TOR2A: variants seen among roughly 807,000 people sequenced by gnomAD.
TOR2A encodes the protein prosalusin.
Under a neutral mutation model 28.6 loss-of-function variants are expected in TOR2A, and 24 were observed. That is an observed-to-expected ratio of 0.84 (90% confidence interval 0.61 to 1.18). The LOEUF (loss-of-function observed/expected upper bound fraction) is 1.18, where lower values mean the gene tolerates loss of function less well. TOR2A is among the 50% of genes most tolerant of loss of function. The pLI is 0.00. For synonymous variants in TOR2A, 203 were observed against 203.1 expected (o/e 1.00, Z 0.00); for missense variants, 426 against 448.1 (o/e 0.95, Z 0.45).
Position 127,733,421 on chromosome 9 carries a change from C to G in TOR2A, c.557G>C (p.Gly186Ala). Residue 186 changes from glycine to alanine, a missense_variant, in exon 3 of 5, where the codon GGG becomes GCG. By Grantham distance (60) the Gly-to-Ala change is moderately conservative (BLOSUM62 0). Transcript: ENST00000373284. ...GAAGATGGCTTTGCGGTAATTGGTC[C>G]CGTATACCACCCAGGAGGAGCCCAG... ...PFLGSSWVVY[G>A]TNYRKAIFIF... is the part of the protein sequence containing the mutation. 8 of 1,613,792 alleles carry G rather than the reference C, an allele frequency of 5.0e-6. No homozygotes were observed. The highest frequency in any genetic ancestry group is 6.8e-6 in the Non-Finnish European group (8 of 1,179,974).
In TOR2A at chr9:127,734,498, G is replaced by T; in HGVS notation, c.218C>A (p.Ala73Glu). 3 of 1,575,174 alleles carry T rather than the reference G, an allele frequency of 1.9e-6. No homozygotes were observed. Among genetic ancestry groups the T allele is most frequent in the Non-Finnish European group, 2.6e-6 (3 of 1,159,862 alleles). The part of the protein sequence containing the change: ...QHLAKALVVK[A>E]LKAFVRDPAP... ...TGGGTCCCGCACAAAGGCCTTCAGC[G>T]CCTTCACCACCAGCGCCTTGGCCAG... is the stretch of plus-strand genomic sequence containing the variant. Residue 73 changes from alanine (A) to glutamate (E), a missense_variant, in exon 2 of 5, where the codon GCG becomes GAG. Physicochemically the swap from Ala to Glu is moderately radical, Grantham distance 107. Coordinates refer to ENST00000373284, the MANE Select transcript of TOR2A (RefSeq NM_001085347.3).
intron 4 of TOR2A, 96 bp downstream of exon 4, chr9:127,732,468 T>C (rs912863461): frequency 7.5e-6 from 11 of 1,460,716 alleles, no homozygotes; most frequent in Non-Finnish European, 8.1e-6. Context: ...GGCTCAGAAC[T>C]GCCGGGTCAG....
rs1159113829 is a variant in TOR2A, at chr9:127,731,986, T to G, written c.*48A>C. 5 of 1,579,664 alleles carry G rather than the reference T, an allele frequency of 3.2e-6. No individual in the cohort carries two copies. Among genetic ancestry groups the G allele is most frequent in the Non-Finnish European group, 4.3e-6 (5 of 1,162,224 alleles). ...TCCTGTGACAGAGGCCCCTGGCCTT[T>G]CCTGCATGGCCTGGCCATCAGGGGG... On this transcript the variant is annotated 3_prime_UTR_variant, in exon 5 of 5. Coordinates refer to ENST00000373284, the MANE Select transcript of TOR2A (RefSeq NM_001085347.3).
intron 2 of TOR2A, chr9:127,734,096 G>T (rs756821769): frequency 3.5e-6 from 2 of 565,498 alleles, no homozygotes; most frequent in Non-Finnish European, 5.8e-6. Context: ...TACTGCCAGG[G>T]TTCCTTACTG....
At chr9:127,733,927 A>G in intron 2 of TOR2A, 1 of 401,608 alleles carries the variant, frequency 2.5e-6, no homozygotes, top group South Asian at 5.1e-5. Flanking sequence ...CAACAGTAGT[A>G]GTAAGAGCCA....
chr9:127,733,266 G>C (rs1211245175), intron 3 of TOR2A, 119 bp downstream of exon 3: 23 of 1,612,966 alleles, frequency 1.4e-5, no homozygotes, highest in Non-Finnish European at 1.9e-5. Flanking sequence ...GAGGGCACTG[G>C]GAAAGCCCAG....
At chr9:127,734,780 G>A (rs931031254) in intron 1 of TOR2A, 6 of 568,686 alleles carry the variant, frequency 1.1e-5, no homozygotes, top group African/African-American at 9.8e-5. Flanking sequence ...CCTCTAGATT[G>A]CACTCAGCTC....
intron 4 of TOR2A, 66 bp downstream of exon 4, chr9:127,732,498 C>CG (rs1161137798): frequency 5.3e-6 from 8 of 1,500,224 alleles, no homozygotes; most frequent in Non-Finnish European, 7.1e-6. Context: ...CATGAGACCC[C>CG]GGGAGAGCCT....
Position 127,733,737 on chromosome 9 carries a change from A to G in TOR2A, c.418-177T>C, listed in dbSNP as rs2131717432. On this transcript the variant is annotated intron_variant, in intron 2 of 4. Coordinates refer to ENST00000373284, the MANE Select transcript of TOR2A (RefSeq NM_001085347.3). ...CCCAGATTGGGGCAGAGACTTGCCC[A>G]AAGTCACACAGCCAGTCAGAACAGG... 3 of 636,496 alleles carry G rather than the reference A, an allele frequency of 4.7e-6. No individual in the cohort carries two copies. The East Asian group carries it at 8.3e-5, about 18-fold the overall frequency. 39.4% of individuals were successfully genotyped at this position (636,496 alleles called of 1,614,324 possible).
intron 3 of TOR2A, 96 bp downstream of exon 3, chr9:127,733,289 G>A: frequency 6.2e-7 from 1 of 1,613,272 alleles, no homozygotes; most frequent in East Asian, 2.2e-5. Context: ...AAGCCCATGG[G>A]GAACTGGATT....
chr9:127,734,445 G>C lies in TOR2A; in HGVS notation c.271C>G (p.Leu91Val), dbSNP rs1180025641. 1.9e-6 allele frequency: 3 copies of C among 1,611,426 alleles called. No homozygotes were observed. In the African/African-American group the frequency reaches 4.0e-5, roughly 21 times the overall value. Residue 91 changes from leucine (L) to valine (V), a missense_variant, in exon 2 of 5, where the codon CTG (leucine) becomes GTG (valine). Leu to Val is a conservative substitution (Grantham distance 32). Transcript: ENST00000373284. ...PAPTKPLVLS[L>V]HGWTGTGKSY... ...TTGCCGGTGCCGGTCCAGCCGTGCA[G>C]GGAGAGGACCAGCGGCTTGGTGGGG...
Position 127,731,940 on chromosome 9 carries a change from A to C in TOR2A, c.*94T>G, listed in dbSNP as rs900135391. 2.0e-6 allele frequency: 3 copies of C among 1,522,510 alleles called. No individual in the cohort carries two copies. Among genetic ancestry groups the C allele is most frequent in the African/African-American group, 1.4e-5 (1 of 72,008 alleles). 94.3% of individuals were successfully genotyped at this position (1,522,510 alleles called of 1,614,324 possible). A position where few individuals can be genotyped will look rare whatever the true frequency, so the allele number is the denominator to read the frequency against. ...CCGTGGCCTAGCCGACACTCCGTTCATCTCACTTGGTGCTCTGGGTTCCTG... is the reference window on the plus strand; with the variant it reads ...CCGTGGCCTAGCCGACACTCCGTTCCTCTCACTTGGTGCTCTGGGTTCCTG... On this transcript the variant is annotated 3_prime_UTR_variant, in exon 5 of 5. Transcript: ENST00000373284.
rs1235217639 is a variant in TOR2A at position 127,732,046 on chromosome 9, G to A, written c.954C>T (p.Ala318=). The A allele has an allele frequency of 2.5e-6, 4 of 1,613,422 alleles. No homozygotes were observed. In the African/African-American group the frequency reaches 4.0e-5, roughly 16 times the overall value. ...NGCKTVASRI[A]FFL is the part of the protein sequence containing the mutation. Reference sequence around the variant, plus strand: ...ACCACTCAGAGAGTCAGAGGAAGAAGGCGATTCGGGAGGCCACGGTCTTGC... The same window carrying A: ...ACCACTCAGAGAGTCAGAGGAAGAAAGCGATTCGGGAGGCCACGGTCTTGC... The change falls in exon 5 of 5, where the codon GCC becomes GCT. Residue 318 remains alanine (A), a synonymous_variant. Coordinates refer to ENST00000373284, the MANE Select transcript of TOR2A (RefSeq NM_001085347.3).
At position 127,735,205 on chromosome 9, in the gene TOR2A, C is replaced by G. The variant is rs1285386241; in HGVS notation, c.66G>C (p.Ser22=). The G allele has an allele frequency of 6.8e-7, 1 of 1,479,180 alleles. No homozygotes were observed. Among genetic ancestry groups the G allele is most frequent in the Admixed American group, 2.4e-5 (1 of 41,958 alleles). 91.6% of individuals were successfully genotyped at this position (1,479,180 alleles called of 1,614,324 possible). A position where few individuals can be genotyped will look rare whatever the true frequency, so the allele number is the denominator to read the frequency against. ...GSLLGLLGLV[S]AAAAAWDLAS... ...CCAGGTCCCAGGCGGCGGCCGCGGCCGAGACCAGCCCGAGCAGCCCGAGGA... is the reference window on the plus strand; with the variant it reads ...CCAGGTCCCAGGCGGCGGCCGCGGCGGAGACCAGCCCGAGCAGCCCGAGGA... The change falls in exon 1 of 5, where the codon TCG becomes TCC. Residue 22 remains serine, a synonymous_variant. Coordinates refer to ENST00000373284, the MANE Select transcript of TOR2A (RefSeq NM_001085347.3).
chr9:127,734,057 T>A, intron 2 of TOR2A: 2 of 476,046 alleles, frequency 4.2e-6, no homozygotes, highest in Non-Finnish European at 7.4e-6. Context: ...TATAATCTCA[T>A]GTCCCTCACA....
Position 127,732,604 on chromosome 9 carries a change from C to T in TOR2A, c.681G>A (p.Leu227=). The change falls in exon 4 of 5, where the codon CTG becomes CTA. Residue 227 remains leucine, a synonymous_variant. Coordinates refer to ENST00000373284, the MANE Select transcript of TOR2A (RefSeq NM_001085347.3). ...GCACCGCGCGGGAGATGACCGGCTC[C>T]AGCTCCTGCAGGAGGATCTCCTCGC... ...RDREEILLQE[L]EPVISRAVLD... 2 of 1,586,526 alleles carry T rather than the reference C, an allele frequency of 1.3e-6. No homozygotes were observed. The highest frequency in any genetic ancestry group is 1.7e-6 in the Non-Finnish European group (2 of 1,168,692).
chr9:127,734,673 A>G, intron 1 of TOR2A, 109 bp from the exon 2 acceptor site: 1 of 1,273,914 alleles, frequency 7.8e-7, no homozygotes, highest in Non-Finnish European at 1.0e-6. Context: ...CGTTTGTCCA[A>G]GCTGCCTATG....
Position 127,734,507 on chromosome 9 carries a change from A to C in TOR2A, c.209T>G (p.Val70Gly). The change falls in exon 2 of 5, where the codon GTG becomes GGG. Residue 70 changes from valine (V) to glycine (G), a missense_variant. Coordinates refer to ENST00000373284, the MANE Select transcript of TOR2A (RefSeq NM_001085347.3). The part of the protein sequence containing the change: ...LAGQHLAKAL[V>G]VKALKAFVRD... ...CACAAAGGCCTTCAGCGCCTTCACC[A>C]CCAGCGCCTTGGCCAGATGCTGGCC... is the stretch of plus-strand genomic sequence containing the variant. 1 of 1,563,658 alleles carries C rather than the reference A, an allele frequency of 6.4e-7. No homozygotes were observed. The highest frequency in any genetic ancestry group is 2.0e-4 in the Middle Eastern group (1 of 5,106).
rs779593847 is a variant in TOR2A at position 127,732,094 on chromosome 9, C to T, written c.906G>A (p.Glu302=). 2 of 1,613,936 alleles carry T rather than the reference C, an allele frequency of 1.2e-6. No homozygotes were observed. The highest frequency in any genetic ancestry group is 3.3e-5 in the Admixed American group (2 of 60,026). Residue 302 remains glutamate (E), a synonymous_variant, in exon 5 of 5, where the codon GAG becomes GAA. Transcript: ENST00000373284. ...TGCAGCCGTTGGAGGAGAAGAGCTG[C>T]TCGTCTTCAGGGAAGAAGGTGGTGC... The part of the protein sequence containing the change: ...LDSTTFFPED[E]QLFSSNGCKT...
Sources: allele counts gnomAD v4.1 joint callset, GRCh38; gene constraint gnomAD v4.1.1; transcripts MANE v1.5; gene names NCBI Gene and HGNC (gene_info 2026-07-23, HGNC 2026-07-21).